The following CATSPERE variants were observed in gnomAD, a reference collection of about 807,000 sequenced individuals.
CATSPERE encodes the protein catsper channel auxiliary subunit epsilon.
A neutral mutation model predicts 114.1 loss-of-function variants in CATSPERE; 93 were observed. The ratio of observed to expected loss-of-function variants is 0.81; its 90% CI spans 0.69 to 0.97. CATSPERE has a LOEUF of 0.97. Ranked by LOEUF, CATSPERE falls within the 50% of genes least tolerant of loss-of-function variation. The pLI, the probability that CATSPERE is intolerant of heterozygous loss-of-function variation, is 0.00. For synonymous variants in CATSPERE, 341 were observed against 384.1 expected, an observed-to-expected ratio of 0.89 and a Z score of 1.31; for missense variants, 1,058 against 1,131.6, an observed-to-expected ratio of 0.93 and a Z score of 0.93.
intron 8 of CATSPERE, among the ~76,000 whole-genome samples, chr1:244,522,764 A>G (rs921094220): frequency 6.6e-6 from 1 of 152,008 alleles, no homozygotes; most frequent in African/African-American, 2.4e-5. Flanking sequence ...CGACACATAC[A>G]CTCTCCCAAG....
At chr1:244,628,353 A>G (rs1673469134) in intron 20 of CATSPERE, among the ~76,000 whole-genome samples, 1 of 152,174 alleles carries the variant, frequency 6.6e-6, no homozygotes, top group Non-Finnish European at 1.5e-5. Flanking sequence ...AGGGAAATCC[A>G]TGCTTATAAG....
rs1376650704 is a variant in CATSPERE, at chr1:244,568,154, TG to T, written c.1508-4173del. Among the ~76,000 whole-genome samples, 1 of 151,600 alleles carries T rather than the reference TG, an allele frequency of 6.6e-6. No individual in the cohort carries two copies. The highest frequency in any genetic ancestry group is 2.1e-4 in the South Asian group (1 of 4,828). On this transcript the variant is annotated intron_variant, in intron 10 of 21. Transcript: ENST00000366534. This position sits in a 1 kb window ranked among gnomAD's most constrained non-coding sequence, Gnocchi z 4.4. ...AGGTCCACTCCAGCCCCTGTTTGCC[TG>T]GGTATCACCAGCAGAGACTGCAGAA...
intron 10 of CATSPERE, among the ~76,000 whole-genome samples, chr1:244,562,929 C>T (rs1662806206): frequency 6.6e-6 from 1 of 152,142 alleles, no homozygotes; most frequent in Admixed American, 6.6e-5. Flanking sequence ...GTTCCCCTCC[C>T]TGTGTTGATG....
In CATSPERE at chr1:244,573,450, C is replaced by A. The variant is rs891082120; in HGVS notation, c.1950+678C>A. ...AACAAAACAAAACAAAACAAAAAAACCAATTCTATCCGTCAATAGTTTGGG... is the reference window on the plus strand; with the variant it reads ...AACAAAACAAAACAAAACAAAAAAAACAATTCTATCCGTCAATAGTTTGGG... On this transcript the variant is annotated intron_variant, in intron 11 of 21. Coordinates refer to ENST00000366534, the MANE Select transcript of CATSPERE (RefSeq NM_001130957.2). The surrounding 1 kb of genome is among the most constrained non-coding windows in gnomAD (Gnocchi z 4.0). Among the ~76,000 whole-genome samples, 6 of 130,544 alleles carry A rather than the reference C, an allele frequency of 4.6e-5. No individual in the cohort carries two copies. Among genetic ancestry groups the A allele is most frequent in the East Asian group, 3.6e-4 (1 of 2,816 alleles). The allele number at this position is 130,544 out of a possible 152,430, so 85.6% of individuals were successfully genotyped here.
chr1:244,478,682 T>C (rs1200917918), intron 4 of CATSPERE, among the ~76,000 whole-genome samples: 1 of 152,260 alleles, frequency 6.6e-6, no homozygotes, highest in African/African-American at 2.4e-5. Flanking sequence ...TCAATCCTTA[T>C]GATGTGAAAC....
At chr1:244,489,669 A>G (rs938309270) in intron 5 of CATSPERE, among the ~76,000 whole-genome samples, 16 of 151,962 alleles carry the variant, frequency 1.1e-4, no homozygotes, top group Non-Finnish European at 1.8e-4. Flanking sequence ...GTCTTGAATA[A>G]TGAACCCTCT....
intron 8 of CATSPERE, among the ~76,000 whole-genome samples, chr1:244,531,136 C>T (rs1465959680): frequency 2.7e-5 from 4 of 149,474 alleles, no homozygotes; most frequent in South Asian, 2.1e-4. Flanking sequence ...CTCAGGAGGC[C>T]GAGGCAGGAG....
chr1:244,515,357 A>G, intron 7 of CATSPERE: 1 of 967,740 alleles, frequency 1.0e-6, no homozygotes, highest in Non-Finnish European at 1.2e-6. Flanking sequence ...TTGTTCAACA[A>G]ATATTTATAA....
chr1:244,452,502 AG>A (rs1278220213), upstream of CATSPERE, among the ~76,000 whole-genome samples: 1 of 152,264 alleles, frequency 6.6e-6, no homozygotes, highest in East Asian at 1.9e-4. Flanking sequence ...AAAATTCAAA[AG>A]TAAGGCAATA....
rs372293219 is a variant in CATSPERE, at chr1:244,584,047, C to CATACA, written c.2085+113_2085+117dup. 9.5e-5 allele frequency: 70 copies of CATACA among 737,106 alleles called. No homozygotes were observed. The Middle Eastern group carries it at 1.8e-3, about 19-fold the overall frequency. 45.7% of individuals were successfully genotyped at this position (737,106 alleles called of 1,614,324 possible). On this transcript the variant is annotated intron_variant, in intron 13 of 21. Coordinates refer to ENST00000366534, the MANE Select transcript of CATSPERE (RefSeq NM_001130957.2). ...GTACAATACCTCCATGCAATACCTC[C>CATACA]ATACAATACCTCCATAGAGTACCAT... is the stretch of plus-strand genomic sequence containing the variant.
At chr1:244,546,611 A>G (rs1472749292) in intron 8 of CATSPERE, among the ~76,000 whole-genome samples, 5 of 152,244 alleles carry the variant, frequency 3.3e-5, no homozygotes, top group Admixed American at 3.3e-4. Context: ...AGAAAACAAT[A>G]CATGATCAGA....
chr1:244,488,715 G>T (rs1331822006), intron 5 of CATSPERE, among the ~76,000 whole-genome samples: 2 of 152,142 alleles, frequency 1.3e-5, no homozygotes, highest in African/African-American at 4.8e-5. Context: ...CTTCTTCCCT[G>T]TGCCTCTGAC....
chr1:244,588,293 A>G (rs1459609186), intron 13 of CATSPERE, among the ~76,000 whole-genome samples, 189 bp from the exon 14 acceptor site: 1 of 152,108 alleles, frequency 6.6e-6, no homozygotes, highest in African/African-American at 2.4e-5. Context: ...AGTAAAGACA[A>G]AAGGAAGGAA....
chr1:244,635,337 G>A (rs192809481), intron 20 of CATSPERE, 152 bp from the exon 21 acceptor site: 50 of 567,906 alleles, frequency 8.8e-5, no homozygotes, highest in African/African-American at 7.1e-4. Context: ...AATCACAGCT[G>A]TTCTATAAAT....
At chr1:244,605,993 G>A (rs1003626830) in intron 18 of CATSPERE, among the ~76,000 whole-genome samples, 199 bp downstream of exon 18, 1 of 152,076 alleles carries the variant, frequency 6.6e-6, no homozygotes, top group African/African-American at 2.4e-5. Flanking sequence ...CAGACATAAA[G>A]GGGTCAGAAA....
At chr1:244,496,489 T>A (rs2148262557) in intron 6 of CATSPERE, among the ~76,000 whole-genome samples, 1 of 152,214 alleles carries the variant, frequency 6.6e-6, no homozygotes, top group South Asian at 2.1e-4. Flanking sequence ...TGTATCTGAT[T>A]TGAATCTGAA....
At chr1:244,457,710 A>C (rs2148046366), upstream of CATSPERE, 1 of 152,324 alleles carries the variant, frequency 6.6e-6, no homozygotes, top group East Asian at 1.9e-4. Context: ...GATATTTGAC[A>C]GACTTTCCAA....
chr1:244,622,291 T>C (rs1441338308), intron 20 of CATSPERE, among the ~76,000 whole-genome samples: 1 of 152,252 alleles, frequency 6.6e-6, no homozygotes, highest in Non-Finnish European at 1.5e-5. Flanking sequence ...GTCCTGAAGC[T>C]ATAGTTAGTA....
chr1:244,467,760 A>G (rs1667826176), intron 2 of CATSPERE, among the ~76,000 whole-genome samples: 1 of 152,238 alleles, frequency 6.6e-6, no homozygotes, highest in South Asian at 2.1e-4. Flanking sequence ...GTAGGATACT[A>G]TATGGCAAAT....
Sources: gnomAD v4.1 joint callset for allele counts (sites outside exome capture counted in the v4.1 genomes callset) on GRCh38, gnomAD v4.1.1 for gene constraint, Gnocchi (gnomAD v3.1) non-coding constraint, MANE v1.5 for transcripts, NCBI Gene and HGNC (gene_info 2026-07-23, HGNC 2026-07-21) for gene names.